Variants in KDM4C observed in about 807,000 individuals in gnomAD.
The protein encoded by KDM4C is lysine-specific demethylase 4C.
A neutral mutation model predicts 129.3 loss-of-function variants in KDM4C; 81 were observed. That is an observed-to-expected ratio of 0.63 (90% CI 0.52 to 0.75). The LOEUF is 0.75. KDM4C is among the 30% of genes least tolerant of loss of function. KDM4C has a pLI of 0.00. For missense variants in KDM4C, 1,457 were observed against 1,304.0 expected (o/e 1.12, Z -1.81); for synonymous variants, 573 against 456.1 (o/e 1.26, Z -3.26).
intron 12 of KDM4C, among the ~76,000 whole-genome samples, chr9:7,001,664 C>T (rs1271914385): frequency 6.6e-6 from 1 of 152,068 alleles, no homozygotes; most frequent in Non-Finnish European, 1.5e-5. Flanking sequence ...GTGATAACTC[C>T]TATTAGTTGT....
intron 10 of KDM4C, among the ~76,000 whole-genome samples, chr9:6,984,935 A>G (rs1036351316): frequency 2.0e-5 from 3 of 151,264 alleles, no homozygotes; most frequent in African/African-American, 7.3e-5. Flanking sequence ...CTTTGGTAGC[A>G]TATTTTTCTG....
intron 3 of KDM4C, among the ~76,000 whole-genome samples, chr9:6,807,558 C>T (rs199974024): frequency 6.7e-6 from 1 of 148,836 alleles, no homozygotes; most frequent in African/African-American, 2.5e-5. Context: ...GTGAGGAGCG[C>T]CTCTGCCCGG....
chr9:7,078,375 A>C (rs1163837729), intron 17 of KDM4C, among the ~76,000 whole-genome samples: 1 of 151,982 alleles, frequency 6.6e-6, no homozygotes, highest in Non-Finnish European at 1.5e-5. Context: ...TTAGCAGAGA[A>C]ATTGTTCCTA....
chr9:6,814,849 TC>T, intron 4 of KDM4C, 104 bp downstream of exon 4: 1 of 579,740 alleles, frequency 1.7e-6, no homozygotes, highest in South Asian at 3.4e-5. Flanking sequence ...TTTTGGGTGA[TC>T]CATAATTCCT....
intron 19 of KDM4C, among the ~76,000 whole-genome samples, chr9:7,140,518 G>A (rs915613969): frequency 6.6e-6 from 1 of 152,186 alleles, no homozygotes; most frequent in African/African-American, 2.4e-5. Context: ...GATGGGGAAG[G>A]CTAATGCTTC....
chr9:7,156,958 C>T (rs1843242887), intron 19 of KDM4C, among the ~76,000 whole-genome samples: 1 of 152,210 alleles, frequency 6.6e-6, no homozygotes, highest in Non-Finnish European at 1.5e-5. Context: ...TAGCCATTTG[C>T]ACAATATTGA....
chr9:6,784,627 C>T (rs1825083906), intron 1 of KDM4C, among the ~76,000 whole-genome samples: 1 of 152,254 alleles, frequency 6.6e-6, no homozygotes, highest in African/African-American at 2.4e-5. Flanking sequence ...CTTGAGTCTG[C>T]TCTTCCATTC....
At chr9:6,979,853 C>CTA (rs1816457116) in intron 8 of KDM4C, among the ~76,000 whole-genome samples, 1 of 152,052 alleles carries the variant, frequency 6.6e-6, no homozygotes, top group Non-Finnish European at 1.5e-5. Flanking sequence ...GGAATGTGGA[C>CTA]TATGTATGTA....
At chr9:7,028,485 T>C (rs1029500082) in intron 15 of KDM4C, among the ~76,000 whole-genome samples, 1 of 151,414 alleles carries the variant, frequency 6.6e-6, no homozygotes, top group African/African-American at 2.4e-5. Context: ...CTTTTTACTC[T>C]CTCTTCTCCT....
intron 1 of KDM4C, among the ~76,000 whole-genome samples, chr9:6,782,307 C>G (rs1407563778): frequency 6.6e-6 from 1 of 152,120 alleles, no homozygotes; most frequent in Admixed American, 6.5e-5. Context: ...TGAGTTTTGC[C>G]AGATAGGCAC....
At chr9:6,988,739 C>G (rs1432993142) in intron 11 of KDM4C, among the ~76,000 whole-genome samples, 1 of 152,072 alleles carries the variant, frequency 6.6e-6, no homozygotes, top group African/African-American at 2.4e-5. Flanking sequence ...ACCTGGAACA[C>G]ACCGAGTATG....
intron 15 of KDM4C, among the ~76,000 whole-genome samples, chr9:7,035,452 C>G (rs1009951930): frequency 1.3e-5 from 2 of 148,666 alleles, no homozygotes; most frequent in African/African-American, 2.5e-5. Context: ...TCTTTTCACT[C>G]TATTATTTCC....
At chr9:7,170,062 AAAATCGGGG>A in intron 21 of KDM4C, 172 bp downstream of exon 21, 6 of 1,505,438 alleles carry the variant, frequency 4.0e-6, no homozygotes, top group Non-Finnish European at 5.4e-6. Context: ...AAATTCAACC[AAAATCGGGG>A]AAATTAATGC....
intron 1 of KDM4C, among the ~76,000 whole-genome samples, chr9:6,767,008 G>A (rs114400248): frequency 6.6e-6 from 1 of 152,216 alleles, no homozygotes; most frequent in African/African-American, 2.4e-5. Flanking sequence ...TGTTGATTCT[G>A]TTCTGTTCTG....
At chr9:6,968,430 C>T (rs1193566420) in intron 8 of KDM4C, among the ~76,000 whole-genome samples, 1 of 152,178 alleles carries the variant, frequency 6.6e-6, no homozygotes, top group Non-Finnish European at 1.5e-5. Context: ...GTTTTTTATG[C>T]AGCCTCTGTT....
At chr9:6,729,122 T>TAAA (rs1563913049) in intron 1 of KDM4C, among the ~76,000 whole-genome samples, 8 of 122,706 alleles carry the variant, frequency 6.5e-5, no homozygotes, top group Admixed American at 1.9e-4. Context: ...GAGAATTGCT[T>TAAA]GAACCCGGGA....
intron 18 of KDM4C, among the ~76,000 whole-genome samples, chr9:7,107,163 G>A (rs908657324): frequency 1.3e-5 from 2 of 152,158 alleles, no homozygotes; most frequent in East Asian, 3.9e-4. Context: ...CATGCTGTCC[G>A]CTTCACCACC....
intron 19 of KDM4C, among the ~76,000 whole-genome samples, chr9:7,134,915 A>T (rs1488629991): frequency 6.6e-6 from 1 of 152,172 alleles, no homozygotes; most frequent in Middle Eastern, 3.2e-3. Context: ...TGGGGTCCTG[A>T]CTAGTCTTAC....
At chr9:6,968,298 C>T (rs1403483517) in intron 8 of KDM4C, among the ~76,000 whole-genome samples, 1 of 152,070 alleles carries the variant, frequency 6.6e-6, no homozygotes, top group Non-Finnish European at 1.5e-5. Context: ...TAACATAGTT[C>T]AGTCCCTGTC....
Sources: allele counts gnomAD v4.1 joint callset (sites outside exome capture counted in the v4.1 genomes callset), GRCh38; gene constraint gnomAD v4.1.1; transcripts MANE v1.5; gene names NCBI Gene and HGNC (gene_info 2026-07-23, HGNC 2026-07-21).